Variants in RAD17 observed in about 807,000 individuals in gnomAD.
The protein encoded by RAD17 is RAD17 checkpoint clamp loader component, also known as cell cycle checkpoint protein RAD17.
In RAD17, 31 loss-of-function variants were observed where a neutral mutation model predicts 81.5. That is an observed-to-expected ratio of 0.38 (90% CI 0.29 to 0.51). The LOEUF (loss-of-function observed/expected upper bound fraction) is 0.51, where lower values mean the gene tolerates loss of function less well. Ranked by LOEUF, RAD17 falls within the 20% of genes least tolerant of loss-of-function variation. The pLI is 0.88. For missense variants in RAD17, 681 were observed against 781.2 expected (o/e 0.87, Z 1.53); for synonymous variants, 261 against 266.2 (o/e 0.98, Z 0.19).
Position 69,377,682 on chromosome 5 carries a change from T to TATATGTATACATATATATGC in RAD17, c.351+2975_351+2976insGTATACATATATATGCATAT, listed in dbSNP as rs1160461841. 5.7e-4 allele frequency among the ~76,000 whole-genome samples: 26 copies of TATATGTATACATATATATGC among 45,712 alleles called. 8 individuals are homozygous for TATATGTATACATATATATGC. Among genetic ancestry groups the TATATGTATACATATATATGC allele is most frequent in the Non-Finnish European group, 1.2e-3 (23 of 18,890 alleles). 30.0% of individuals were successfully genotyped at this position (45,712 alleles called of 152,430 possible). A position where few individuals can be genotyped will look rare whatever the true frequency, so the allele number is the denominator to read the frequency against. On this transcript the variant is annotated intron_variant, in intron 6 of 18. Transcript: ENST00000354868. ...ATATGTATACATATATATATGCATATATATATATGTATACATATATATATG... is the reference window on the plus strand; with the variant it reads ...ATATGTATACATATATATATGCATATATATGTATACATATATATGCATATATATGTATACATATATATATG...
chr5:69,413,682 G>A (rs299086), intron 18 of RAD17, among the ~76,000 whole-genome samples: 72,724 of 151,764 alleles, frequency 0.48, 17,555 homozygotes, highest in South Asian at 0.54. Flanking sequence ...TTACAGATGC[G>A]TGCCACCACG....
In RAD17 at chr5:69,399,457, C is replaced by G. The variant is rs1287650674; in HGVS notation, c.1573-592C>G. On this transcript the variant is annotated intron_variant, in intron 16 of 18. Coordinates refer to ENST00000354868, the MANE Select transcript of RAD17 (RefSeq NM_133338.3). ...ACTGGGTCGTCTCTGAGATGTCTTCCAGTTCTAAAATCATACAGCTGAAAA... is the reference window on the plus strand; with the variant it reads ...ACTGGGTCGTCTCTGAGATGTCTTCGAGTTCTAAAATCATACAGCTGAAAA... Among the ~76,000 whole-genome samples the G allele has an allele frequency of 2.0e-5, 3 of 152,120 alleles. 1 individual carries two copies. The highest frequency in any genetic ancestry group is 1.3e-4 in the Admixed American group (2 of 15,256).
intron 16 of RAD17, among the ~76,000 whole-genome samples, chr5:69,399,236 CAG>C (rs778314747): frequency 8.5e-5 from 13 of 152,152 alleles, no homozygotes; most frequent in Non-Finnish European, 1.3e-4. Context: ...GCCTGGGCAA[CAG>C]AGTGAGACCC....
chr5:69,406,388 TA>T (rs1328653521), intron 17 of RAD17, among the ~76,000 whole-genome samples: 4 of 152,098 alleles, frequency 2.6e-5, no homozygotes, highest in African/African-American at 9.7e-5. Context: ...GCTTGGGTGG[TA>T]GGGGAGTTGT....
intron 17 of RAD17, among the ~76,000 whole-genome samples, chr5:69,403,751 C>G (rs907260007): frequency 6.6e-6 from 1 of 151,992 alleles, no homozygotes; most frequent in African/African-American, 2.4e-5. Context: ...GATACCTTGT[C>G]TCTACAAAAA....
rs56385833 is a variant in RAD17 at position 69,373,686 on chromosome 5, ATTTTTTTTT to A, written c.10-122_10-114del. On this transcript the variant is annotated intron_variant, in intron 4 of 18. Coordinates refer to ENST00000354868, the MANE Select transcript of RAD17 (RefSeq NM_133338.3). ...CAGAGTGAGACCCGGTCTCAAAAAAATTTTTTTTTTTTTTTTTTTTTTTTTTTTTTAAGT... is the reference window on the plus strand; with the variant it reads ...CAGAGTGAGACCCGGTCTCAAAAAAATTTTTTTTTTTTTTTTTTTTTAAGT... 2.3e-4 allele frequency: 58 copies of A among 251,910 alleles called. No individual in the cohort carries two copies. In the African/African-American group the frequency reaches 2.4e-3, roughly 10 times the overall value. The allele number at this position is 251,910 out of a possible 1,614,324, so 15.6% of individuals were successfully genotyped here.
Position 69,414,697 on chromosome 5 carries a change from C to T in RAD17, c.*405C>T. 1 of 212,622 alleles carries T rather than the reference C, an allele frequency of 4.7e-6. No homozygotes were observed. Among genetic ancestry groups the T allele is most frequent in the Non-Finnish European group, 9.5e-6 (1 of 105,686 alleles). 13.2% of individuals were successfully genotyped at this position (212,622 alleles called of 1,614,324 possible). A position where few individuals can be genotyped will look rare whatever the true frequency, so the allele number is the denominator to read the frequency against. On this transcript the variant is annotated 3_prime_UTR_variant, in exon 19 of 19. Transcript: ENST00000354868. ...GTGTGCCTTATTTACACTTTATTGT[C>T]TCCCGCTTCTCAGATAGTTTTGATG...
chr5:69,389,024 C>A lies in RAD17; in HGVS notation c.895-10C>A. The A allele has an allele frequency of 7.3e-7, 1 of 1,367,112 alleles. No individual in the cohort carries two copies. Among genetic ancestry groups the A allele is most frequent in the Non-Finnish European group, 9.8e-7 (1 of 1,023,018 alleles). 84.7% of individuals were successfully genotyped at this position (1,367,112 alleles called of 1,614,324 possible). ...AATACTTTTTTTTAAATTTAATTTT[C>A]TTATTTTAGAATGGAGGAAAAATTA... On this transcript the variant is annotated splice_polypyrimidine_tract_variant and intron_variant, in intron 11 of 18. Transcript: ENST00000354868.
chr5:69,371,576 G>A lies in RAD17; in HGVS notation c.-176+19G>A, dbSNP rs73113058. On this transcript the variant is annotated intron_variant, in intron 3 of 18. Transcript: ENST00000354868. ...CACAAAGGTATGATACACTGGAATG[G>A]CCATGTAATAATTGCCTTAAAATAA... 3,643 of 1,344,120 alleles carry A rather than the reference G, an allele frequency of 2.7e-3. 78 individuals are homozygous for A. In the African/African-American group the frequency reaches 0.048, roughly 18 times the overall value. 83.3% of individuals were successfully genotyped at this position (1,344,120 alleles called of 1,614,324 possible).
chr5:69,392,142 T>A, intron 13 of RAD17, 129 bp downstream of exon 13: 1 of 707,768 alleles, frequency 1.4e-6, no homozygotes, highest in South Asian at 2.9e-5. Flanking sequence ...GGTCAGATAC[T>A]GTTTGCCTAG....
chr5:69,374,171 T>G, intron 5 of RAD17, 84 bp downstream of exon 5: 1 of 1,223,328 alleles, frequency 8.2e-7, no homozygotes, highest in South Asian at 1.5e-5. Flanking sequence ...ATTTACATTT[T>G]CAGATTTTTT....
At position 69,398,048 on chromosome 5, in the gene RAD17, C is replaced by T. The variant is rs991695803; in HGVS notation, c.1572+1502C>T. ...AGGAGAATGGCGTGAACCCAGGAGG[C>T]GGAGCTTGCAGTGAGCTGACATGGC... is the stretch of plus-strand genomic sequence containing the variant. On this transcript the variant is annotated intron_variant, in intron 16 of 18. Coordinates refer to ENST00000354868, the MANE Select transcript of RAD17 (RefSeq NM_133338.3). Among the ~76,000 whole-genome samples the T allele has an allele frequency of 8.6e-5, 13 of 151,800 alleles. No homozygotes were observed. The South Asian group carries it at 2.1e-3, about 24-fold the overall frequency.
intron 4 of RAD17, among the ~76,000 whole-genome samples, chr5:69,373,266 G>T (rs1763118284): frequency 6.6e-6 from 1 of 152,018 alleles, no homozygotes; most frequent in Non-Finnish European, 1.5e-5. Flanking sequence ...TAGTGTTTAT[G>T]CTGGGAAGGT....
chr5:69,410,963 G>GTATATATATATA (rs1245435076), intron 18 of RAD17, among the ~76,000 whole-genome samples: 1 of 3,984 alleles, frequency 2.5e-4, no homozygotes, highest in African/African-American at 5.7e-4. Flanking sequence ...ATAGATGTCT[G>GTATATATATATA]TCTATATATA....
At chr5:69,385,139 T>G (rs1223419087) in intron 8 of RAD17, among the ~76,000 whole-genome samples, 1 of 151,902 alleles carries the variant, frequency 6.6e-6, no homozygotes, top group African/African-American at 2.4e-5. Context: ...TTTTGTATTT[T>G]TTAGTAGAGA....
chr5:69,382,927 G>C (rs1763945870), intron 7 of RAD17, among the ~76,000 whole-genome samples: 1 of 152,074 alleles, frequency 6.6e-6, no homozygotes, highest in Admixed American at 6.6e-5. Context: ...GGGATTAGAG[G>C]CATGTGCCAC....
At position 69,369,947 on chromosome 5, in the gene RAD17, G is replaced by C; in HGVS notation, c.-417+14G>C. 1 of 563,166 alleles carries C rather than the reference G, an allele frequency of 1.8e-6. No individual in the cohort carries two copies. Among genetic ancestry groups the C allele is most frequent in the Non-Finnish European group, 3.1e-6 (1 of 318,420 alleles). 34.9% of individuals were successfully genotyped at this position (563,166 alleles called of 1,614,324 possible). A position where few individuals can be genotyped will look rare whatever the true frequency, so the allele number is the denominator to read the frequency against. On this transcript the variant is annotated intron_variant, in intron 1 of 18. Transcript: ENST00000354868. ...AGCTCCGGGAAAGTAAGGCCGCCGC[G>C]GTTGCGGCTATATTATGTATATGTC...
At chr5:69,412,257 C>T (rs895804281) in intron 18 of RAD17, among the ~76,000 whole-genome samples, 1 of 151,686 alleles carries the variant, frequency 6.6e-6, no homozygotes, top group East Asian at 1.9e-4. Context: ...CGCCTGGCCA[C>T]GAGAGGCAGT....
Position 69,389,152 on chromosome 5 carries a change from A to G in RAD17, c.1006+7A>G, listed in dbSNP as rs1286298191. ...CAGTTTTCTTCTTCAAAAGGTAACT[A>G]TGGAAGATACAGTCATGTGGCATTA... On this transcript the variant is annotated splice_region_variant and intron_variant, in intron 12 of 18. Coordinates refer to ENST00000354868, the MANE Select transcript of RAD17 (RefSeq NM_133338.3). The G allele has an allele frequency of 3.3e-6, 5 of 1,521,322 alleles. No individual in the cohort carries two copies. The highest frequency in any genetic ancestry group is 1.4e-5 in the African/African-American group (1 of 71,720). 94.2% of individuals were successfully genotyped at this position (1,521,322 alleles called of 1,614,324 possible). A position where few individuals can be genotyped will look rare whatever the true frequency, so the allele number is the denominator to read the frequency against.
Sources: gnomAD v4.1 joint callset for allele counts (sites outside exome capture counted in the v4.1 genomes callset) on GRCh38, gnomAD v4.1.1 for gene constraint, MANE v1.5 for transcripts, NCBI Gene and HGNC (gene_info 2026-07-23, HGNC 2026-07-21) for gene names.